SLC35F3: variants seen among roughly 807,000 people sequenced by gnomAD.
SLC35F3 encodes the protein putative thiamine transporter SLC35F3.
A neutral mutation model predicts 49.9 loss-of-function variants in SLC35F3; 25 were observed. The ratio of observed to expected loss-of-function variants is 0.50; its 90% CI spans 0.37 to 0.70. The LOEUF (loss-of-function observed/expected upper bound fraction) is 0.70, where lower values mean the gene tolerates loss of function less well. Among genes scored for constraint, SLC35F3 ranks in the 30% least tolerant of loss-of-function variants. The pLI is 0.00. For missense variants in SLC35F3, 525 were observed against 639.8 expected (o/e 0.82, Z 1.94); for synonymous variants, 275 against 265.4 (o/e 1.04, Z -0.35).
intron 2 of SLC35F3, among the ~76,000 whole-genome samples, chr1:234,094,690 T>C (rs1305872899): frequency 6.6e-6 from 1 of 152,192 alleles, no homozygotes; most frequent in Non-Finnish European, 1.5e-5. Flanking sequence ...TTCTGAAGTA[T>C]ATGGCATTAT....
chr1:234,271,526 A>G (rs548288925), intron 3 of SLC35F3, among the ~76,000 whole-genome samples: 2 of 152,262 alleles, frequency 1.3e-5, no homozygotes, highest in African/African-American at 4.8e-5. Context: ...GTTATCTTTG[A>G]TTGAACAGGT....
intron 2 of SLC35F3, among the ~76,000 whole-genome samples, chr1:234,079,008 G>T (rs1281667785): frequency 6.6e-6 from 1 of 152,198 alleles, no homozygotes; most frequent in African/African-American, 2.4e-5. Flanking sequence ...AAGGGACACT[G>T]AAAAGCCTAA....
At chr1:234,076,814 G>A (rs969623211) in intron 2 of SLC35F3, among the ~76,000 whole-genome samples, 31 of 152,036 alleles carry the variant, frequency 2.0e-4, no homozygotes, top group African/African-American at 6.0e-4. Flanking sequence ...GTTCTCTTCT[G>A]TCGATAAAGT....
intron 2 of SLC35F3, among the ~76,000 whole-genome samples, chr1:233,985,610 A>G (rs980184651): frequency 3.9e-5 from 6 of 152,308 alleles, no homozygotes; most frequent in East Asian, 3.9e-4. Context: ...TCTAATTACA[A>G]TCATTGGTAC....
intron 2 of SLC35F3, among the ~76,000 whole-genome samples, chr1:234,195,184 G>A (rs1485855022): frequency 3.9e-5 from 6 of 152,122 alleles, no homozygotes; most frequent in Non-Finnish European, 8.8e-5. Flanking sequence ...CCATTTCTTT[G>A]CCCACTGCTT....
chr1:234,220,092 G>T (rs1471837482), intron 2 of SLC35F3, among the ~76,000 whole-genome samples: 1 of 152,188 alleles, frequency 6.6e-6, no homozygotes, highest in Admixed American at 6.5e-5. Flanking sequence ...AACAGGGGGA[G>T]CCAGAGAAGA....
At chr1:234,296,879 C>G (rs1362842250) in intron 3 of SLC35F3, among the ~76,000 whole-genome samples, 1 of 152,198 alleles carries the variant, frequency 6.6e-6, no homozygotes, top group African/African-American at 2.4e-5. Context: ...GGGAAAATCT[C>G]AGAAACTAAA....
intron 2 of SLC35F3, among the ~76,000 whole-genome samples, chr1:234,038,751 G>T (rs1010912309): frequency 6.6e-5 from 10 of 152,180 alleles, no homozygotes; most frequent in Non-Finnish European, 1.3e-4. Context: ...GGATCATTCT[G>T]GCTGCCCTCT....
At chr1:234,049,804 C>T (rs546475376) in intron 2 of SLC35F3, among the ~76,000 whole-genome samples, 4 of 152,094 alleles carry the variant, frequency 2.6e-5, no homozygotes, top group South Asian at 2.1e-4. Context: ...AACCCCACGA[C>T]GGGCCCCGGT....
chr1:234,157,517 AT>A, intron 2 of SLC35F3, among the ~76,000 whole-genome samples: 1 of 152,262 alleles, frequency 6.6e-6, no homozygotes, highest in Middle Eastern at 3.4e-3. Context: ...AAAGGACCCA[AT>A]TTTATTGAGT....
chr1:234,228,301 C>T (rs482978), intron 2 of SLC35F3, among the ~76,000 whole-genome samples: 43,463 of 152,182 alleles, frequency 0.29, 10,849 homozygotes, highest in African/African-American at 0.68. Flanking sequence ...AGGCCAACCA[C>T]CTGCCTCTTC....
intron 2 of SLC35F3, among the ~76,000 whole-genome samples, chr1:234,064,165 A>T (rs956531629): frequency 6.6e-6 from 1 of 152,068 alleles, no homozygotes; most frequent in African/African-American, 2.4e-5. Context: ...ATAGCCCTAG[A>T]TCCCCTCCAT....
chr1:234,309,035 A>G (rs940418068), intron 3 of SLC35F3, 66 bp from the exon 4 acceptor site: 92 of 1,287,438 alleles, frequency 7.1e-5, no homozygotes, highest in Non-Finnish European at 1.4e-5. Flanking sequence ...AAAACTTGCT[A>G]TAGGAAATAA....
chr1:234,159,060 G>A (rs1666191811), intron 2 of SLC35F3, among the ~76,000 whole-genome samples: 2 of 152,004 alleles, frequency 1.3e-5, no homozygotes, highest in South Asian at 4.1e-4. Context: ...AGGACTGCAT[G>A]GGATCTCTAA....
chr1:233,994,032 A>G (rs1026494353), intron 2 of SLC35F3, among the ~76,000 whole-genome samples: 1 of 152,180 alleles, frequency 6.6e-6, no homozygotes, highest in African/African-American at 2.4e-5. Flanking sequence ...GGGGAAAGGT[A>G]TTTAATTGTC....
At chr1:234,040,186 C>T (rs1399355682) in intron 2 of SLC35F3, among the ~76,000 whole-genome samples, 1 of 152,042 alleles carries the variant, frequency 6.6e-6, no homozygotes, top group Non-Finnish European at 1.5e-5. Context: ...GTTGCCTCTC[C>T]GCCTCTCTCC....
At chr1:233,931,301 C>T (rs1662238385) in intron 2 of SLC35F3, among the ~76,000 whole-genome samples, 1 of 152,154 alleles carries the variant, frequency 6.6e-6, no homozygotes, top group Admixed American at 6.5e-5. Flanking sequence ...TCTAATTAAA[C>T]TAAAGAGCTT....
intron 2 of SLC35F3, among the ~76,000 whole-genome samples, chr1:234,228,299 C>T (rs1667318251): frequency 6.6e-6 from 1 of 152,228 alleles, no homozygotes; most frequent in East Asian, 1.9e-4. Context: ...CCAGGCCAAC[C>T]ACCTGCCTCT....
At chr1:234,181,169 C>CA (rs148012803) in intron 2 of SLC35F3, among the ~76,000 whole-genome samples, 9,523 of 149,348 alleles carry the variant, frequency 0.064, 975 homozygotes, top group African/African-American at 0.22. Flanking sequence ...CCTCTGTCTA[C>CA]AAAAAAAAAT....
Sources: gnomAD v4.1 joint callset for allele counts (sites outside exome capture counted in the v4.1 genomes callset) on GRCh38, gnomAD v4.1.1 for gene constraint, MANE v1.5 for transcripts, NCBI Gene and HGNC (gene_info 2026-07-23, HGNC 2026-07-21) for gene names.